SIN3A: variants seen among roughly 807,000 people sequenced by gnomAD.
The protein encoded by SIN3A is paired amphipathic helix protein Sin3a.
A neutral mutation model predicts 146.1 loss-of-function variants in SIN3A; 14 were observed. The observed-to-expected ratio is 0.10, with a 90% CI of 0.06 to 0.15. The LOEUF (loss-of-function observed/expected upper bound fraction) is 0.15, where lower values mean the gene tolerates loss of function less well. Ranked by LOEUF, SIN3A falls within the 10% of genes least tolerant of loss-of-function variation. The probability of loss-of-function intolerance (pLI) is 1.00; values close to 1 mark genes in which losing one functional copy is unlikely to be tolerated. For synonymous variants in SIN3A, 572 were observed against 572.0 expected (o/e 1.00, Z 0.00); for missense variants, 1,028 against 1,576.0 (o/e 0.65, Z 5.89).
At chr15:75,391,847 G>A (rs1229279764) in intron 15 of SIN3A, among the ~76,000 whole-genome samples, 2 of 152,168 alleles carry the variant, frequency 1.3e-5, no homozygotes, top group Non-Finnish European at 2.9e-5. Context: ...TCAAAAATAT[G>A]AGAAAATTCT....
intron 19 of SIN3A, among the ~76,000 whole-genome samples, chr15:75,377,487 T>C (rs1168908760): frequency 6.6e-6 from 1 of 151,444 alleles, no homozygotes; most frequent in Non-Finnish European, 1.5e-5. Flanking sequence ...TAGCCGGGAG[T>C]GGTGGCGCGC....
At chr15:75,413,776 C>T (rs974132216) in intron 4 of SIN3A, among the ~76,000 whole-genome samples, 19 of 152,166 alleles carry the variant, frequency 1.2e-4, no homozygotes, top group Admixed American at 3.9e-4. Flanking sequence ...CAAGCAGATA[C>T]TCAGATGATA....
chr15:75,390,417 A>T (rs1300510594), intron 15 of SIN3A, among the ~76,000 whole-genome samples: 5 of 152,238 alleles, frequency 3.3e-5, no homozygotes, highest in African/African-American at 7.2e-5. Flanking sequence ...AATTGCATTA[A>T]ATCATCTGTA....
chr15:75,386,367 C>T (rs1015738374), intron 16 of SIN3A, among the ~76,000 whole-genome samples: 3 of 152,228 alleles, frequency 2.0e-5, no homozygotes, highest in African/African-American at 7.2e-5. Flanking sequence ...ACTGATTCCC[C>T]ACCCATACTC....
intron 15 of SIN3A, 106 bp downstream of exon 15, chr15:75,392,136 C>A (rs931451771): frequency 3.0e-5 from 30 of 1,001,562 alleles, no homozygotes; most frequent in Non-Finnish European, 3.9e-5. Context: ...ACTACACAGA[C>A]TCTAATGCCT....
chr15:75,435,453 T>G (rs187913741), intron 1 of SIN3A, among the ~76,000 whole-genome samples: 2 of 152,256 alleles, frequency 1.3e-5, no homozygotes, highest in Admixed American at 1.3e-4. Flanking sequence ...ATCCCAGCAC[T>G]TTGGGAGGCC....
At chr15:75,441,886 C>T (rs752044813) in intron 1 of SIN3A, among the ~76,000 whole-genome samples, 2 of 151,834 alleles carry the variant, frequency 1.3e-5, no homozygotes, top group Admixed American at 6.6e-5. Context: ...TCTCAGAGGC[C>T]GAGGCGGGTG....
intron 1 of SIN3A, 31 bp from the exon 2 acceptor site, chr15:75,430,439 T>G: frequency 6.6e-7 from 1 of 1,509,128 alleles, no homozygotes; most frequent in Non-Finnish European, 8.9e-7. Context: ...AGCATGCAAG[T>G]CAATTCTCAC....
rs937812522 is a variant in SIN3A, at chr15:75,411,423, T to C, written c.1008+69A>G. On this transcript the variant is annotated intron_variant, in intron 6 of 20. Transcript: ENST00000394947. Reference sequence around the variant, plus strand: ...ATGAATTAATGGACACAATAATGGTTACTTGTTATTGGACTAGATGCCCTA... The same window carrying C: ...ATGAATTAATGGACACAATAATGGTCACTTGTTATTGGACTAGATGCCCTA... The C allele has an allele frequency of 4.2e-6, 6 of 1,445,664 alleles. No individual in the cohort carries two copies. In the Admixed American group the frequency reaches 7.7e-5, roughly 19 times the overall value. 89.6% of individuals were successfully genotyped at this position (1,445,664 alleles called of 1,614,324 possible). A position where few individuals can be genotyped will look rare whatever the true frequency, so the allele number is the denominator to read the frequency against.
At chr15:75,375,920 T>TC in intron 19 of SIN3A, 48 bp from the exon 20 acceptor site, 1 of 1,575,782 alleles carries the variant, frequency 6.3e-7, no homozygotes, top group Non-Finnish European at 8.7e-7. Context: ...AGATGCAGAT[T>TC]CCCGTGACTT....
intron 19 of SIN3A, among the ~76,000 whole-genome samples, chr15:75,377,031 C>G (rs2072876190): frequency 6.6e-6 from 1 of 152,082 alleles, no homozygotes; most frequent in South Asian, 2.1e-4. Context: ...AACATTATTT[C>G]CCTTTTTTGC....
chr15:75,376,060 A>T, intron 19 of SIN3A, 188 bp from the exon 20 acceptor site: 1 of 617,774 alleles, frequency 1.6e-6, no homozygotes, highest in Non-Finnish European at 2.8e-6. Flanking sequence ...AATAAAAAGC[A>T]GAAATCTTCA....
intron 2 of SIN3A, among the ~76,000 whole-genome samples, chr15:75,427,997 A>AAATG (rs1246016424): frequency 6.6e-5 from 10 of 151,486 alleles, no homozygotes; most frequent in Admixed American, 1.3e-4. Flanking sequence ...ATAAATAAAT[A>AAATG]AATGAATAAA....
intron 19 of SIN3A, among the ~76,000 whole-genome samples, chr15:75,378,886 G>GGA (rs1029502528): frequency 2.2e-5 from 2 of 91,982 alleles, no homozygotes; most frequent in African/African-American, 1.1e-4. Context: ...AATATAATAG[G>GGA]GATATATATA....
intron 3 of SIN3A, chr15:75,422,294 C>A: frequency 2.1e-6 from 1 of 470,430 alleles, no homozygotes; most frequent in South Asian, 4.5e-5. Flanking sequence ...GGCCAATTTA[C>A]TGTACTAACC....
chr15:75,414,281 C>A lies in SIN3A; in HGVS notation c.397G>T (p.Val133Leu). The A allele has an allele frequency of 6.4e-7, 1 of 1,556,064 alleles. No individual in the cohort carries two copies. Among genetic ancestry groups the A allele is most frequent in the Non-Finnish European group, 8.8e-7 (1 of 1,142,782 alleles). ...GGCTGACTACCAAACTGCAGCTTCA[C>A]CTGGTCAAGATAAGATAGCGCATCC... is the stretch of plus-strand genomic sequence containing the variant. Reference protein sequence around the residue: ...VEDALSYLDQVKLQFGSQPQV... With the variant: ...VEDALSYLDQLKLQFGSQPQV... The change falls in exon 4 of 21, where the codon GTG becomes TTG. Residue 133 changes from valine to leucine, a missense_variant. Val to Leu is a conservative substitution (Grantham distance 32). Transcript: ENST00000394947.
At chr15:75,442,570 G>C (rs2141616570) in intron 1 of SIN3A, among the ~76,000 whole-genome samples, 2 of 145,732 alleles carry the variant, frequency 1.4e-5, no homozygotes, top group East Asian at 4.0e-4. Context: ...CTTGAGCTCA[G>C]GAATTTAAAT....
Position 75,390,570 on chromosome 15 carries a change from A to G in SIN3A, c.2852-749T>C, listed in dbSNP as rs141944171. ...TAAAGACCCATTTATATAAAGTTCAAAAATAGACAAATCTAATCTCTAGTG... is the reference window on the plus strand; with the variant it reads ...TAAAGACCCATTTATATAAAGTTCAGAAATAGACAAATCTAATCTCTAGTG... On this transcript the variant is annotated intron_variant, in intron 15 of 20. Transcript: ENST00000394947. Among the ~76,000 whole-genome samples the G allele has an allele frequency of 1.1e-4, 16 of 152,332 alleles. No individual in the cohort carries two copies. In the East Asian group the frequency reaches 1.2e-3, roughly 11 times the overall value.
At chr15:75,391,001 C>T (rs900046698) in intron 15 of SIN3A, among the ~76,000 whole-genome samples, 6 of 152,174 alleles carry the variant, frequency 3.9e-5, no homozygotes, top group South Asian at 2.1e-4. Context: ...AGGAGCAAAA[C>T]CAAGTTGTCT....
Sources: gnomAD v4.1 joint callset for allele counts (sites outside exome capture counted in the v4.1 genomes callset) on GRCh38, gnomAD v4.1.1 for gene constraint, MANE v1.5 for transcripts, NCBI Gene and HGNC (gene_info 2026-07-23, HGNC 2026-07-21) for gene names.